The following GADL1 variants were observed in gnomAD, a reference collection of about 807,000 sequenced individuals.
GADL1 encodes the protein acidic amino acid decarboxylase GADL1.
Under a neutral mutation model 69.5 loss-of-function variants are expected in GADL1, and 71 were observed. The ratio of observed to expected loss-of-function variants is 1.02; its 90% CI spans 0.84 to 1.25. The LOEUF (loss-of-function observed/expected upper bound fraction) is 1.25, where lower values mean the gene tolerates loss of function less well. Among genes scored for constraint, GADL1 ranks in the 50% most tolerant of loss-of-function variants. GADL1 has a pLI of 0.00. For synonymous variants in GADL1, 254 were observed against 214.4 expected, an observed-to-expected ratio of 1.18 and a Z score of -1.62; for missense variants, 737 against 631.8, an observed-to-expected ratio of 1.17 and a Z score of -1.79.
intron 11 of GADL1, among the ~76,000 whole-genome samples, chr3:30,820,993 T>TA (rs1697568691): frequency 1.3e-5 from 2 of 152,004 alleles, no homozygotes; most frequent in East Asian, 1.9e-4. Flanking sequence ...TATGCAGCCA[T>TA]AAAAAATGAT....
Position 30,785,713 on chromosome 3 carries a change from A to G in GADL1, c.1302+642T>C, listed in dbSNP as rs139649930. Among the ~76,000 whole-genome samples, 908 of 152,318 alleles carry G rather than the reference A, an allele frequency of 6.0e-3. 5 individuals are homozygous for G. The highest frequency in any genetic ancestry group is 0.01 in the Non-Finnish European group (686 of 68,018). ...TGTATAGCACAGGTTCCAAGACTGG[A>G]ATCTCTAGGTTATTTTTACATTAGG... On this transcript the variant is annotated intron_variant, in intron 13 of 14. Transcript: ENST00000282538.
intron 14 of GADL1, among the ~76,000 whole-genome samples, chr3:30,738,304 A>T (rs1695566221): frequency 6.6e-6 from 1 of 152,166 alleles, no homozygotes; most frequent in African/African-American, 2.4e-5. Flanking sequence ...ATGACTGTGG[A>T]GTGCTACTTG....
chr3:30,888,837 G>A (rs1409092010), intron 1 of GADL1, among the ~76,000 whole-genome samples: 1 of 151,794 alleles, frequency 6.6e-6, no homozygotes, highest in African/African-American at 2.4e-5. Flanking sequence ...CTGGAAAAAG[G>A]GACCCTGAAT....
chr3:30,743,780 G>T (rs889242319), intron 14 of GADL1, among the ~76,000 whole-genome samples: 1 of 152,126 alleles, frequency 6.6e-6, no homozygotes, highest in African/African-American at 2.4e-5. Context: ...TCTTGCCTTT[G>T]CCTCATAACC....
At chr3:30,821,403 T>G (rs1697577688) in intron 11 of GADL1, among the ~76,000 whole-genome samples, 1 of 152,048 alleles carries the variant, frequency 6.6e-6, no homozygotes, top group Non-Finnish European at 1.5e-5. Context: ...TGTGTCTTTT[T>G]TTTCTCTTTT....
At chr3:30,872,897 T>G (rs899649074) in intron 1 of GADL1, among the ~76,000 whole-genome samples, 1 of 151,958 alleles carries the variant, frequency 6.6e-6, no homozygotes, top group South Asian at 2.1e-4. Flanking sequence ...CACACCTTAC[T>G]AAGTATACTC....
At chr3:30,742,282 GTT>G (rs1249924547) in intron 14 of GADL1, among the ~76,000 whole-genome samples, 1 of 143,028 alleles carries the variant, frequency 7.0e-6, no homozygotes. Context: ...ACATTAAGTG[GTT>G]TTTTTTTTTG....
At chr3:30,765,169 C>G (rs1015985671) in intron 14 of GADL1, among the ~76,000 whole-genome samples, 1 of 152,154 alleles carries the variant, frequency 6.6e-6, no homozygotes, top group Non-Finnish European at 1.5e-5. Context: ...TCAAAATGTT[C>G]ATCTCCCCTA....
intron 2 of GADL1, among the ~76,000 whole-genome samples, chr3:30,860,385 A>C (rs1158009767): frequency 6.6e-6 from 1 of 151,988 alleles, no homozygotes; most frequent in Non-Finnish European, 1.5e-5. Context: ...GTTAATATTT[A>C]ATGACTGAAT....
At chr3:30,802,681 C>T (rs1477743849) in intron 11 of GADL1, among the ~76,000 whole-genome samples, 1 of 151,916 alleles carries the variant, frequency 6.6e-6, no homozygotes, top group East Asian at 1.9e-4. Flanking sequence ...TGTGTAGATA[C>T]TACTCTGGAT....
chr3:30,754,857 C>G (rs1025942329), intron 14 of GADL1, among the ~76,000 whole-genome samples: 1 of 121,674 alleles, frequency 8.2e-6, no homozygotes, highest in Non-Finnish European at 1.7e-5. Flanking sequence ...CTGCAGGGCA[C>G]TGATTTTTTT....
chr3:30,782,414 G>A (rs1696686050), intron 13 of GADL1, among the ~76,000 whole-genome samples: 1 of 152,092 alleles, frequency 6.6e-6, no homozygotes, highest in African/African-American at 2.4e-5. Context: ...TAGCGGGGAA[G>A]AAAAGGAGAT....
intron 8 of GADL1, among the ~76,000 whole-genome samples, chr3:30,842,404 A>T (rs1049228889): frequency 6.6e-6 from 1 of 152,282 alleles, no homozygotes; most frequent in African/African-American, 2.4e-5. Context: ...TAGGAGCATG[A>T]GCCTAATGAC....
intron 11 of GADL1, among the ~76,000 whole-genome samples, chr3:30,811,048 C>A (rs1653287700): frequency 6.6e-6 from 1 of 152,158 alleles, no homozygotes; most frequent in Non-Finnish European, 1.5e-5. Context: ...CAAGACTCCC[C>A]TTCCCCTTCC....
chr3:30,849,503 A>G (rs1242861971), intron 6 of GADL1, among the ~76,000 whole-genome samples: 1 of 151,932 alleles, frequency 6.6e-6, no homozygotes, highest in African/African-American at 2.4e-5. Context: ...TTTAGTGGAG[A>G]GTAAAATAAG....
intron 1 of GADL1, among the ~76,000 whole-genome samples, chr3:30,863,772 C>A (rs1259427715): frequency 1.3e-5 from 2 of 151,000 alleles, no homozygotes; most frequent in East Asian, 3.9e-4. Context: ...AGGGCTCTAA[C>A]AATATTAACA....
chr3:30,891,036 C>CCTTCCTTT (rs555737837), intron 1 of GADL1, among the ~76,000 whole-genome samples: 6 of 116,996 alleles, frequency 5.1e-5, no homozygotes, highest in Non-Finnish European at 8.5e-5. Flanking sequence ...TTGCATTCTT[C>CCTTCCTTT]CTTCCTTCCT....
chr3:30,854,966 C>CG (rs1392212850), intron 3 of GADL1, among the ~76,000 whole-genome samples, 177 bp from the exon 4 acceptor site: 1 of 151,930 alleles, frequency 6.6e-6, no homozygotes, highest in Admixed American at 6.6e-5. Context: ...AAGGAGATGG[C>CG]GGTTAGAATT....
intron 11 of GADL1, among the ~76,000 whole-genome samples, chr3:30,823,483 A>G (rs895580498): frequency 6.6e-6 from 1 of 152,008 alleles, no homozygotes; most frequent in Non-Finnish European, 1.5e-5. Context: ...AATGTCAAGC[A>G]TTGGTCCTGA....
Sources: allele counts gnomAD v4.1 joint callset (sites outside exome capture counted in the v4.1 genomes callset), GRCh38; gene constraint gnomAD v4.1.1; transcripts MANE v1.5; gene names NCBI Gene and HGNC (gene_info 2026-07-23, HGNC 2026-07-21).